Variants in MYPN observed in about 807,000 individuals in gnomAD.
MYPN encodes the protein myopalladin, also known as sarcomeric protein myopalladin, 145 kDa (MYOP).
MYPN carries 63 observed loss-of-function variants against 129.4 expected under a neutral mutation model. The observed-to-expected ratio is 0.49, with a 90% CI of 0.40 to 0.60. The LOEUF (loss-of-function observed/expected upper bound fraction) is 0.60. Ranked by LOEUF, MYPN falls within the 20% of genes least tolerant of loss-of-function variation. MYPN has a pLI of 0.00. For synonymous variants in MYPN, 629 were observed against 600.9 expected (o/e 1.05, Z -0.68); for missense variants, 1,596 against 1,635.4 (o/e 0.98, Z 0.42).
chr10:68,121,472 A>AT lies in MYPN; in HGVS notation c.35dup (p.Ser13IlefsTer11). 1 of 1,613,366 alleles carries AT rather than the reference A, an allele frequency of 6.2e-7. No homozygotes were observed. Among genetic ancestry groups the AT allele is most frequent in the Non-Finnish European group, 8.5e-7 (1 of 1,179,596 alleles). The stretch of plus-strand genomic sequence containing the variant: ...CGACAGCATAGAAGCTTCTACTTCC[A>AT]TATCTCAGCTTCTAAGAGAGAGCTA... On this transcript the variant is annotated frameshift_variant, in exon 2 of 20. Transcript: ENST00000358913. LOFTEE classifies it high-confidence loss of function.
At chr10:68,192,823 C>G (rs988830450) in intron 13 of MYPN, among the ~76,000 whole-genome samples, 4 of 152,062 alleles carry the variant, frequency 2.6e-5, no homozygotes, top group Admixed American at 6.6e-5. Flanking sequence ...ATAATAGTCT[C>G]TAGTGATCCT....
intron 1 of MYPN, among the ~76,000 whole-genome samples, chr10:68,096,416 G>A (rs1449714398): frequency 1.3e-5 from 2 of 152,100 alleles, no homozygotes; most frequent in Non-Finnish European, 2.9e-5. Flanking sequence ...ACAAAAATTA[G>A]CCGGGCATGG....
intron 2 of MYPN, among the ~76,000 whole-genome samples, chr10:68,129,634 G>A (rs2042379173): frequency 6.6e-6 from 1 of 152,144 alleles, no homozygotes; most frequent in Admixed American, 6.6e-5. Flanking sequence ...TCAACTTTAT[G>A]ATAATACCAA....
chr10:68,113,598 G>A (rs921263459), intron 1 of MYPN, among the ~76,000 whole-genome samples: 20 of 151,914 alleles, frequency 1.3e-4, no homozygotes, highest in Admixed American at 2.6e-4. Context: ...TTGGGAGGCT[G>A]AGGTGGGAGG....
upstream of MYPN, among the ~76,000 whole-genome samples, chr10:68,104,251 A>G (rs953665451): frequency 1.3e-5 from 2 of 152,164 alleles, no homozygotes; most frequent in African/African-American, 4.8e-5. Flanking sequence ...CAGTTTTTGG[A>G]GATGTCCAAG....
chr10:68,211,080 C>G lies in MYPN; in HGVS notation c.*625C>G. On this transcript the variant is annotated 3_prime_UTR_variant, in exon 20 of 20. Transcript: ENST00000358913. The stretch of plus-strand genomic sequence containing the variant: ...ATGTGCTTGAGATTCCAAAAACTTG[C>G]TGAAACACTTGATATTGCACAGTGC... 2.2e-6 allele frequency: 1 copy of G among 454,112 alleles called. No homozygotes were observed. Among genetic ancestry groups the G allele is most frequent in the South Asian group, 1.6e-5 (1 of 64,482 alleles). 28.1% of individuals were successfully genotyped at this position (454,112 alleles called of 1,614,324 possible).
At chr10:68,126,766 G>A (rs1228761288) in intron 2 of MYPN, among the ~76,000 whole-genome samples, 4 of 152,132 alleles carry the variant, frequency 2.6e-5, no homozygotes, top group Non-Finnish European at 4.4e-5. Context: ...TGTGGAGGAG[G>A]TCGATGGGAA....
At chr10:68,104,840 G>A (rs889699501), upstream of MYPN, among the ~76,000 whole-genome samples, 2 of 152,006 alleles carry the variant, frequency 1.3e-5, no homozygotes, top group African/African-American at 4.8e-5. Context: ...CTGGAGTGTA[G>A]GGGCGTGATC....
At chr10:68,194,237 T>C in intron 13 of MYPN, 126 bp from the exon 14 acceptor site, 1 of 966,472 alleles carries the variant, frequency 1.0e-6, no homozygotes, top group East Asian at 2.7e-5. Flanking sequence ...TAACTTTTTT[T>C]CAAGTGCTTC....
chr10:68,191,184 C>A (rs2134265344), intron 13 of MYPN, among the ~76,000 whole-genome samples: 1 of 150,700 alleles, frequency 6.6e-6, no homozygotes, highest in Admixed American at 6.7e-5. Context: ...TTTTGTGATT[C>A]CATATGAATT....
chr10:68,102,876 T>C (rs971919085), upstream of MYPN, among the ~76,000 whole-genome samples: 3 of 152,260 alleles, frequency 2.0e-5, 1 homozygote, highest in Admixed American at 2.0e-4. Flanking sequence ...TAACATTATC[T>C]GCTTACTTAT....
Position 68,199,384 on chromosome 10 carries a change from C to T in MYPN, c.3302C>T (p.Pro1101Leu), listed in dbSNP as rs2043669159. 11 of 1,614,024 alleles carry T rather than the reference C, an allele frequency of 6.8e-6. No individual in the cohort carries two copies. The highest frequency in any genetic ancestry group is 9.3e-6 in the Non-Finnish European group (11 of 1,179,952). ...RLDCKVSGLP[P>L]PELTWLLNGQ... is the part of the protein sequence containing the mutation. Reference sequence around the variant, plus strand: ...GTTTATTAGGTGAGTGGTTTACCGCCCCCGGAGCTGACATGGCTACTCAAT... The same window carrying T: ...GTTTATTAGGTGAGTGGTTTACCGCTCCCGGAGCTGACATGGCTACTCAAT... The change falls in exon 17 of 20, where the codon CCC becomes CTC. Residue 1101 changes from proline (P) to leucine (L), a missense_variant. By Grantham distance (98) the Pro-to-Leu change is moderately conservative. Transcript: ENST00000358913.
intron 10 of MYPN, among the ~76,000 whole-genome samples, chr10:68,169,144 G>C (rs2043102028): frequency 7.2e-6 from 1 of 139,598 alleles, no homozygotes; most frequent in African/African-American, 2.9e-5. Flanking sequence ...AGGAGATCGA[G>C]ACCATCCTGG....
At chr10:68,198,183 G>A (rs1460498162) in intron 16 of MYPN, among the ~76,000 whole-genome samples, 1 of 152,050 alleles carries the variant, frequency 6.6e-6, no homozygotes, top group Non-Finnish European at 1.5e-5. Flanking sequence ...TTTTCATATG[G>A]TGTCTGGAAG....
rs750719293 is a variant in MYPN at position 68,122,157 on chromosome 10, A to G, written c.719A>G (p.Gln240Arg). The G allele has an allele frequency of 1.9e-6, 3 of 1,612,226 alleles. No individual in the cohort carries two copies. The highest frequency in any genetic ancestry group is 1.7e-5 in the Admixed American group (1 of 59,768). ...GAAGCCAAGAGGCGTGAAGCGGAGCAGGCTGCCAGTGAGGCGGCTGGTGGA... is the reference window on the plus strand; with the variant it reads ...GAAGCCAAGAGGCGTGAAGCGGAGCGGGCTGCCAGTGAGGCGGCTGGTGGA... ...QQEAKRREAE[Q>R]AASEAAGGDT... Residue 240 changes from glutamine to arginine, a missense_variant, in exon 2 of 20, where the codon CAG becomes CGG. Coordinates refer to ENST00000358913, the MANE Select transcript of MYPN (RefSeq NM_032578.4).
intron 18 of MYPN, among the ~76,000 whole-genome samples, chr10:68,205,340 TTTTA>T (rs1430643012): frequency 6.6e-6 from 1 of 151,818 alleles, no homozygotes; most frequent in Non-Finnish European, 1.5e-5. Context: ...CTTATTTATC[TTTTA>T]TTTATTTATT....
chr10:68,143,942 A>G (rs774719954), intron 3 of MYPN, among the ~76,000 whole-genome samples: 2 of 152,078 alleles, frequency 1.3e-5, no homozygotes, highest in South Asian at 2.1e-4. Flanking sequence ...TTTAGTAGAG[A>G]TGGGGTTTCA....
At chr10:68,146,631 T>A (rs929801756) in intron 4 of MYPN, among the ~76,000 whole-genome samples, 7 of 152,210 alleles carry the variant, frequency 4.6e-5, no homozygotes, top group African/African-American at 1.7e-4. Context: ...ATTTGGTGGG[T>A]AAAATGACCC....
intron 19 of MYPN, among the ~76,000 whole-genome samples, chr10:68,209,378 T>G (rs943819564): frequency 6.6e-6 from 1 of 152,212 alleles, no homozygotes; most frequent in African/African-American, 2.4e-5. Context: ...TGTATCTAAA[T>G]TACTTTTCAG....
Sources: allele counts gnomAD v4.1 joint callset (sites outside exome capture counted in the v4.1 genomes callset), GRCh38; gene constraint gnomAD v4.1.1; transcripts MANE v1.5; gene names NCBI Gene and HGNC (gene_info 2026-07-23, HGNC 2026-07-21).